NEGR1: variants seen among roughly 807,000 people sequenced by gnomAD.
NEGR1 encodes the protein neuronal growth regulator 1, also known as IgLON family member 4.
In NEGR1, 10 loss-of-function variants were observed where a neutral mutation model predicts 40.9. That is an observed-to-expected ratio of 0.24 (90% CI 0.15 to 0.42). The LOEUF (loss-of-function observed/expected upper bound fraction) is 0.42, where lower values mean the gene tolerates loss of function less well. NEGR1 is among the 10% of genes least tolerant of loss of function. The pLI is 1.00. For synonymous variants in NEGR1, 185 were observed against 166.8 expected (o/e 1.11, Z -0.84); for missense variants, 352 against 438.9 (o/e 0.80, Z 1.77).
intron 2 of NEGR1, among the ~76,000 whole-genome samples, chr1:71,810,738 C>T (rs1221058768): frequency 6.6e-6 from 1 of 151,914 alleles, no homozygotes; most frequent in African/African-American, 2.4e-5. Context: ...TGTGTAGCTC[C>T]TCTCCCTTCT....
chr1:72,009,461 T>A (rs1358515395), intron 1 of NEGR1, among the ~76,000 whole-genome samples: 1 of 152,082 alleles, frequency 6.6e-6, no homozygotes, highest in African/African-American at 2.4e-5. Flanking sequence ...TCTTCTTTTT[T>A]AAATCATTCT....
chr1:71,738,728 C>G (rs1020336017), intron 3 of NEGR1, among the ~76,000 whole-genome samples: 6 of 152,080 alleles, frequency 3.9e-5, no homozygotes, highest in Non-Finnish European at 8.8e-5. Context: ...TCTGCTGGCT[C>G]TAAACCTTCC....
At chr1:71,827,134 T>C (rs1658654755) in intron 2 of NEGR1, among the ~76,000 whole-genome samples, 1 of 151,662 alleles carries the variant, frequency 6.6e-6, no homozygotes, top group Admixed American at 6.6e-5. Context: ...GGCTTCCCAG[T>C]AAATAGCCAA....
chr1:71,968,193 T>C (rs1053385001), intron 1 of NEGR1, among the ~76,000 whole-genome samples: 13 of 152,084 alleles, frequency 8.5e-5, no homozygotes, highest in African/African-American at 2.9e-4. Flanking sequence ...AATGTGCAAA[T>C]TGCACTGGAA....
chr1:71,585,306 T>C (rs1649266780), intron 6 of NEGR1, among the ~76,000 whole-genome samples: 1 of 152,136 alleles, frequency 6.6e-6, no homozygotes, highest in Admixed American at 6.6e-5. Flanking sequence ...AAAGGTAACA[T>C]GGAGACTAGT....
At chr1:71,825,891 A>G (rs1165634102) in intron 2 of NEGR1, among the ~76,000 whole-genome samples, 31 of 151,910 alleles carry the variant, frequency 2.0e-4, no homozygotes, top group Admixed American at 2.0e-3. Flanking sequence ...CCCTTTTACT[A>G]CTATTATTTA....
At chr1:71,718,878 G>A (rs1190513531) in intron 3 of NEGR1, among the ~76,000 whole-genome samples, 1 of 152,082 alleles carries the variant, frequency 6.6e-6, no homozygotes, top group Non-Finnish European at 1.5e-5. Flanking sequence ...ATGCTTAAGA[G>A]TGTGCCTATT....
intron 1 of NEGR1, among the ~76,000 whole-genome samples, chr1:72,254,546 C>CA (rs1655202242): frequency 6.6e-6 from 1 of 151,640 alleles, no homozygotes; most frequent in Admixed American, 6.6e-5. Context: ...ACTAAAAATA[C>CA]AAAAAATTAG....
intron 6 of NEGR1, among the ~76,000 whole-genome samples, chr1:71,553,710 T>G (rs1648159894): frequency 6.6e-6 from 1 of 151,458 alleles, no homozygotes; most frequent in Non-Finnish European, 1.5e-5. Context: ...TTTTAAAAAA[T>G]TTTGCCTGAG....
At position 71,406,208 on chromosome 1, in the gene NEGR1, C is replaced by T. The variant is rs907077783; in HGVS notation, c.*1238G>A. 4.0e-5 allele frequency: 6 copies of T among 151,850 alleles called. No individual in the cohort carries two copies. The highest frequency in any genetic ancestry group is 1.2e-4 in the African/African-American group (5 of 41,396). The allele number at this position is 151,850 out of a possible 1,614,324, so 9.4% of individuals were successfully genotyped here. On this transcript the variant is annotated 3_prime_UTR_variant, in exon 7 of 7. Transcript: ENST00000357731. ...AGCTATTTTAGAGATTGGTCTGCTA[C>T]ATACCGATATAGAATGTTTGTTATA...
intron 1 of NEGR1, among the ~76,000 whole-genome samples, chr1:72,114,699 G>T (rs1464582600): frequency 1.3e-5 from 2 of 151,712 alleles, no homozygotes; most frequent in Non-Finnish European, 2.9e-5. Flanking sequence ...TTCAAATGGT[G>T]TTGGAACACA....
chr1:72,132,314 C>A (rs1650289620), intron 1 of NEGR1, among the ~76,000 whole-genome samples: 1 of 151,778 alleles, frequency 6.6e-6, no homozygotes, highest in Admixed American at 6.6e-5. Flanking sequence ...ATGAAGTAGC[C>A]CAGTTTAGAA....
At chr1:71,959,278 C>T (rs1646144117) in intron 1 of NEGR1, among the ~76,000 whole-genome samples, 1 of 152,156 alleles carries the variant, frequency 6.6e-6, no homozygotes, top group Non-Finnish European at 1.5e-5. Flanking sequence ...ACATCTAAAA[C>T]CAAATTTGTT....
rs901555436 is a variant in NEGR1, at chr1:71,954,297, G to A, written c.177-18986C>T. On this transcript the variant is annotated intron_variant, in intron 1 of 6. Coordinates refer to ENST00000357731, the MANE Select transcript of NEGR1 (RefSeq NM_173808.3). ...GTGGGGATGAAAAGTTCCATAATTC[G>A]CTTGGAGGTAAATGATAGATGATTT... 2.0e-5 allele frequency among the ~76,000 whole-genome samples: 3 copies of A among 151,842 alleles called. No individual in the cohort carries two copies. In the South Asian group the frequency reaches 6.2e-4, roughly 32 times the overall value.
intron 1 of NEGR1, among the ~76,000 whole-genome samples, chr1:72,012,251 C>T (rs1343658489): frequency 6.6e-6 from 1 of 152,026 alleles, no homozygotes; most frequent in Non-Finnish European, 1.5e-5. Flanking sequence ...ATATTAGTGT[C>T]AAAGCACGCC....
At chr1:72,180,644 A>T (rs1412629367) in intron 1 of NEGR1, among the ~76,000 whole-genome samples, 1 of 152,124 alleles carries the variant, frequency 6.6e-6, no homozygotes, top group Non-Finnish European at 1.5e-5. Context: ...TTAAAAAATG[A>T]GCAAATTTCC....
At chr1:71,921,689 A>G (rs1645721228) in intron 2 of NEGR1, among the ~76,000 whole-genome samples, 1 of 131,534 alleles carries the variant, frequency 7.6e-6, no homozygotes, top group Admixed American at 8.6e-5. Context: ...TATATAGAAT[A>G]GATACAGTAC....
At chr1:71,773,041 G>A (rs557876944) in intron 3 of NEGR1, among the ~76,000 whole-genome samples, 1 of 151,914 alleles carries the variant, frequency 6.6e-6, no homozygotes, top group African/African-American at 2.4e-5. Flanking sequence ...TTTTTTTTTG[G>A]TGAAAGTATA....
At chr1:71,884,756 A>C (rs1660678792) in intron 2 of NEGR1, among the ~76,000 whole-genome samples, 1 of 152,206 alleles carries the variant, frequency 6.6e-6, no homozygotes, top group South Asian at 2.1e-4. Flanking sequence ...AGAATGAGAC[A>C]AAAAAACCTA....
Sources: gnomAD v4.1 joint callset for allele counts (sites outside exome capture counted in the v4.1 genomes callset) on GRCh38, gnomAD v4.1.1 for gene constraint, MANE v1.5 for transcripts, NCBI Gene and HGNC (gene_info 2026-07-23, HGNC 2026-07-21) for gene names.